The following CASP6 variants were observed in gnomAD, a reference collection of about 807,000 sequenced individuals.
The protein encoded by CASP6 is caspase-6.
CASP6 carries 20 observed loss-of-function variants against 31.8 expected under a neutral mutation model. The ratio of observed to expected loss-of-function variants is 0.63; its 90% CI spans 0.44 to 0.91. CASP6 has a LOEUF of 0.91. Ranked by LOEUF, CASP6 falls within the 40% of genes least tolerant of loss-of-function variation. The pLI, the probability that CASP6 is intolerant of heterozygous loss-of-function variation, is 0.00. For synonymous variants in CASP6, 130 were observed against 127.8 expected, an observed-to-expected ratio of 1.02 and a Z score of -0.12; for missense variants, 328 against 361.1, an observed-to-expected ratio of 0.91 and a Z score of 0.74.
chr4:109,701,792 A>G (rs1730428342), intron 1 of CASP6, among the ~76,000 whole-genome samples: 1 of 152,198 alleles, frequency 6.6e-6, no homozygotes, highest in South Asian at 2.1e-4. Context: ...ACAGCTCAGG[A>G]ACAGGGACAG....
the CASP6 span, among the ~76,000 whole-genome samples, chr4:109,667,859 T>G: frequency 6.6e-6 from 1 of 151,880 alleles, no homozygotes; most frequent in African/African-American, 2.4e-5. Flanking sequence ...TTTTCATTTA[T>G]TTTAAAATAT....
At position 109,697,677 on chromosome 4, in the gene CASP6, A is replaced by G; in HGVS notation, c.175T>C (p.Leu59=). 3.1e-6 allele frequency: 5 copies of G among 1,614,054 alleles called. No individual in the cohort carries two copies. In the South Asian group the frequency reaches 5.5e-5, roughly 18 times the overall value. ...IFNHERFFWH[L]TLPERRGTCA... is the part of the protein sequence containing the mutation. ...GTGCCCCGCCTTTCTGGCAGTGTTA[A>G]GTGCCAAAAGAACCTCTCATGATTG... Residue 59 remains leucine (L), a synonymous_variant, in exon 3 of 7, where the codon TTA becomes CTA. Coordinates refer to ENST00000265164, the MANE Select transcript of CASP6 (RefSeq NM_001226.4).
chr4:109,685,953 T>C (rs1729827996), downstream of CASP6, among the ~76,000 whole-genome samples: 1 of 152,210 alleles, frequency 6.6e-6, no homozygotes, highest in Non-Finnish European at 1.5e-5. Context: ...AGCACATCAC[T>C]GGATTTTTCA....
chr4:109,708,982 A>G, the CASP6 span, among the ~76,000 whole-genome samples: 717 of 152,294 alleles, frequency 4.7e-3, 7 homozygotes, highest in African/African-American at 0.017. Flanking sequence ...TTGCTGTTAG[A>G]TATGTGACAG....
At chr4:109,674,677 GTATT>G in the CASP6 span, among the ~76,000 whole-genome samples, 2 of 152,176 alleles carry the variant, frequency 1.3e-5, no homozygotes, top group Non-Finnish European at 2.9e-5. Context: ...CATAATATTA[GTATT>G]TATTAAAGAA....
At chr4:109,665,711 A>G in the CASP6 span, among the ~76,000 whole-genome samples, 43 of 152,072 alleles carry the variant, frequency 2.8e-4, no homozygotes. Context: ...TTTTTCCCAA[A>G]TATTTTCAAT....
chr4:109,694,416 G>A, intron 5 of CASP6, 109 bp downstream of exon 5: 1 of 973,756 alleles, frequency 1.0e-6, no homozygotes, highest in Non-Finnish European at 1.5e-6. Flanking sequence ...TTCAAAAACG[G>A]CCTGTCCAAT....
chr4:109,696,158 A>G (rs1730232237), intron 4 of CASP6, among the ~76,000 whole-genome samples: 1 of 152,208 alleles, frequency 6.6e-6, no homozygotes, highest in Non-Finnish European at 1.5e-5. Context: ...TGAAGGGGTC[A>G]TTTCATTCAT....
the CASP6 span, among the ~76,000 whole-genome samples, chr4:109,677,587 C>G: frequency 1.3e-5 from 2 of 152,096 alleles, no homozygotes; most frequent in Admixed American, 6.5e-5. Flanking sequence ...TGAGGACCAA[C>G]GTGAGTGGAT....
At chr4:109,705,441 T>C (rs1554022877), upstream of CASP6, among the ~76,000 whole-genome samples, 1 of 152,232 alleles carries the variant, frequency 6.6e-6, no homozygotes, top group Non-Finnish European at 1.5e-5. Context: ...ACATCCATTC[T>C]GAAGCCCAGG....
At chr4:109,705,133 T>G (rs1248178876), upstream of CASP6, among the ~76,000 whole-genome samples, 1 of 152,262 alleles carries the variant, frequency 6.6e-6, no homozygotes, top group Non-Finnish European at 1.5e-5. Context: ...ATGCTCTTGT[T>G]AGGGGCTAAT....
In CASP6 at chr4:109,701,252, C is replaced by A. The variant is rs182647522; in HGVS notation, c.40+2104G>T. Among the ~76,000 whole-genome samples the A allele has an allele frequency of 2.6e-3, 392 of 152,262 alleles. 1 individual carries two copies. Among genetic ancestry groups the A allele is most frequent in the African/African-American group, 8.2e-3 (339 of 41,542 alleles). On this transcript the variant is annotated intron_variant, in intron 1 of 6. Transcript: ENST00000265164. Reference sequence around the variant, plus strand: ...TGCTGGGATTACAAGCATGAGCCACCACGCCCGGCCTGCGTTAATATTTAA... The same window carrying A: ...TGCTGGGATTACAAGCATGAGCCACAACGCCCGGCCTGCGTTAATATTTAA...
chr4:109,706,176 C>CATATATATATATATATATATAT (rs1561266970), upstream of CASP6, among the ~76,000 whole-genome samples: 9 of 96,210 alleles, frequency 9.4e-5, no homozygotes, highest in African/African-American at 4.2e-4. Flanking sequence ...TATATACACA[C>CATATATATATATATATATATAT]ACACATATAC....
the CASP6 span, among the ~76,000 whole-genome samples, chr4:109,670,563 A>G: frequency 6.6e-6 from 1 of 152,056 alleles, no homozygotes; most frequent in African/African-American, 2.4e-5. Context: ...TAAAAATACA[A>G]AAATTAGCTG....
upstream of CASP6, chr4:109,703,581 G>T: frequency 1.4e-6 from 1 of 700,686 alleles, no homozygotes; most frequent in Non-Finnish European, 2.3e-6. Flanking sequence ...CAGAGTTAAA[G>T]CTCCTCCCAG....
the CASP6 span, chr4:109,682,785 A>T: frequency 6.7e-7 from 1 of 1,485,052 alleles, no homozygotes; most frequent in Non-Finnish European, 9.2e-7. Context: ...AATAATACCT[A>T]GTGTTTATTG....
Position 109,697,619 on chromosome 4 carries a change from T to C in CASP6, c.230+3A>G, listed in dbSNP as rs1462526657. On this transcript the variant is annotated splice_donor_region_variant and intron_variant, in intron 3 of 6. Coordinates refer to ENST00000265164, the MANE Select transcript of CASP6 (RefSeq NM_001226.4). ...CATCTTGATAGGTAGATAAAACTACTACCTGCGGGTAAGATTGTCTCTATC... is the reference window on the plus strand; with the variant it reads ...CATCTTGATAGGTAGATAAAACTACCACCTGCGGGTAAGATTGTCTCTATC... 3 of 1,600,280 alleles carry C rather than the reference T, an allele frequency of 1.9e-6. No individual in the cohort carries two copies. The highest frequency in any genetic ancestry group is 2.6e-6 in the Non-Finnish European group (3 of 1,175,460).
chr4:109,678,510 T>C, the CASP6 span, among the ~76,000 whole-genome samples: 13 of 87,530 alleles, frequency 1.5e-4, no homozygotes, highest in East Asian at 7.5e-4. Context: ...ATTTCCCAGA[T>C]GGGGCGGTGG....
chr4:109,693,775 G>T (rs1288915875), intron 5 of CASP6, among the ~76,000 whole-genome samples: 1 of 147,156 alleles, frequency 6.8e-6, no homozygotes. Flanking sequence ...GTCTCGCTCT[G>T]ACGCCCAGGC....
Sources: allele counts gnomAD v4.1 joint callset (sites outside exome capture counted in the v4.1 genomes callset), GRCh38; gene constraint gnomAD v4.1.1; transcripts MANE v1.5; gene names NCBI Gene and HGNC (gene_info 2026-07-23, HGNC 2026-07-21).